The following MZT2B variants were observed in gnomAD, a reference collection of about 807,000 sequenced individuals.
MZT2B encodes mitotic-spindle organizing protein 2B.
Under a neutral mutation model 12.1 loss-of-function variants are expected in MZT2B, and 11 were observed. That is an observed-to-expected ratio of 0.91 (90% confidence interval 0.57 to 1.50). MZT2B has a LOEUF of 1.50. Ranked by LOEUF, MZT2B falls within the 40% of genes most tolerant of loss-of-function variation. The pLI, the probability that MZT2B is intolerant of heterozygous loss-of-function variation, is 0.00. For synonymous variants in MZT2B, 85 were observed against 109.5 expected (o/e 0.78, Z 1.40); for missense variants, 209 against 227.7 (o/e 0.92, Z 0.53).
At chr2:130,186,167 G>C (rs1217349927) in intron 2 of MZT2B, among the ~76,000 whole-genome samples, 2 of 152,058 alleles carry the variant, frequency 1.3e-5, no homozygotes, top group African/African-American at 2.4e-5. Context: ...GATCCGGCTG[G>C]GGGGCATGGA....
chr2:130,197,288 A>G, the MZT2B span, among the ~76,000 whole-genome samples: 1 of 151,318 alleles, frequency 6.6e-6, no homozygotes, highest in Non-Finnish European at 1.5e-5. Context: ...CCAGTTTGAG[A>G]CCAGCCTGGG....
the MZT2B span, chr2:130,202,252 T>C: frequency 1.6e-6 from 2 of 1,214,322 alleles, no homozygotes; most frequent in Non-Finnish European, 2.1e-6. Context: ...ATAAGTCAGC[T>C]AACAACGTTT....
At chr2:130,202,179 T>G in the MZT2B span, 1 of 501,924 alleles carries the variant, frequency 2.0e-6, no homozygotes, top group African/African-American at 2.1e-5. Flanking sequence ...ATTGCTGCCT[T>G]GTGTATTTTA....
At chr2:130,202,213 AC>A in the MZT2B span, 5 of 973,376 alleles carry the variant, frequency 5.1e-6, no homozygotes, top group South Asian at 6.7e-5. Flanking sequence ...ACTAAAAAAA[AC>A]AGTCCTGTGA....
the MZT2B span, among the ~76,000 whole-genome samples, chr2:130,199,958 T>C: frequency 1.3e-5 from 2 of 151,614 alleles, no homozygotes; most frequent in Non-Finnish European, 2.9e-5. Flanking sequence ...TAGCCAGGTA[T>C]GGTGGTGAGC....
At chr2:130,195,097 CAGGACT>C (rs1332717409), downstream of MZT2B, 3 of 1,612,886 alleles carry the variant, frequency 1.9e-6, no homozygotes, top group Non-Finnish European at 2.5e-6. Flanking sequence ...GGATCCGGTC[CAGGACT>C]AGGTCAACAA....
chr2:130,191,941 C>G, downstream of MZT2B: 1 of 1,614,068 alleles, frequency 6.2e-7, no homozygotes, highest in Non-Finnish European at 8.5e-7. Context: ...AACTCTCCCT[C>G]TTCCATGCCT....
chr2:130,181,931 C>T, upstream of MZT2B: 1 of 1,430,748 alleles, frequency 7.0e-7, no homozygotes, highest in Non-Finnish European at 9.3e-7. Flanking sequence ...TGCACGCTTT[C>T]TTGAAAGAGG....
chr2:130,188,023 G>A (rs1334779981), intron 2 of MZT2B: 1 of 150,068 alleles, frequency 6.7e-6, no homozygotes, highest in Non-Finnish European at 1.5e-5. Context: ...TAGACCAAGT[G>A]ACAGAGCAAG....
chr2:130,197,622 G>GT, the MZT2B span, among the ~76,000 whole-genome samples: 3 of 126,752 alleles, frequency 2.4e-5, 1 homozygote, highest in Non-Finnish European at 5.2e-5. Flanking sequence ...TTTTTGTTTG[G>GT]TTTTTTGAGG....
the MZT2B span, among the ~76,000 whole-genome samples, chr2:130,200,131 C>CAGCACTTTGGGAGG: frequency 6.6e-6 from 1 of 151,232 alleles, no homozygotes; most frequent in South Asian, 2.1e-4. Flanking sequence ...GTGGCTCACG[C>CAGCACTTTGGGAGG]CTGTAATCGC....
At chr2:130,183,836 C>T (rs534830525) in intron 2 of MZT2B, 2 of 1,550,558 alleles carry the variant, frequency 1.3e-6, no homozygotes, top group East Asian at 2.4e-5. Flanking sequence ...CAAGGCCCTC[C>T]TTTTCCTCCA....
chr2:130,186,577 G>A (rs1020373548), intron 2 of MZT2B, among the ~76,000 whole-genome samples: 2 of 152,182 alleles, frequency 1.3e-5, no homozygotes, highest in African/African-American at 4.8e-5. Context: ...GCCACACATG[G>A]CTGGCATGGT....
chr2:130,181,939 A>T, upstream of MZT2B: 6 of 1,434,956 alleles, frequency 4.2e-6, no homozygotes, highest in Non-Finnish European at 5.5e-6. Context: ...TTCTTGAAAG[A>T]GGCATTTACC....
At chr2:130,189,599 G>C (rs535547858) in intron 2 of MZT2B, among the ~76,000 whole-genome samples, 1 of 152,302 alleles carries the variant, frequency 6.6e-6, no homozygotes, top group East Asian at 1.9e-4. Context: ...GGGGGTCTGT[G>C]ACCCCACGGG....
intron 2 of MZT2B, among the ~76,000 whole-genome samples, chr2:130,185,421 C>T (rs142222414): frequency 1.7e-4 from 25 of 148,786 alleles, no homozygotes; most frequent in African/African-American, 4.2e-4. Flanking sequence ...GGGATGTTGC[C>T]GTGAGCCAAG....
intron 2 of MZT2B, chr2:130,184,308 A>T: frequency 6.1e-6 from 6 of 985,424 alleles, no homozygotes; most frequent in Non-Finnish European, 7.2e-6. Flanking sequence ...CAGGCGTGAC[A>T]AACACCTCGG....
At chr2:130,188,516 G>A (rs1397564268) in intron 2 of MZT2B, among the ~76,000 whole-genome samples, 3 of 152,160 alleles carry the variant, frequency 2.0e-5, no homozygotes, top group Non-Finnish European at 4.4e-5. Context: ...GTCACTGCTG[G>A]GCTGAGGTGG....
chr2:130,191,479 AAAG>A (rs913756402), downstream of MZT2B, among the ~76,000 whole-genome samples: 1 of 152,220 alleles, frequency 6.6e-6, no homozygotes, highest in African/African-American at 2.4e-5. Flanking sequence ...ACCCATCAAT[AAAG>A]AAGCCCGAAA....
Sources: allele counts gnomAD v4.1 joint callset (sites outside exome capture counted in the v4.1 genomes callset), GRCh38; gene constraint gnomAD v4.1.1; transcripts MANE v1.5; gene names NCBI Gene and HGNC (gene_info 2026-07-23, HGNC 2026-07-21).